Variants in AAGAB observed in about 807,000 individuals in gnomAD.
AAGAB encodes alpha and gamma adaptin binding protein.
AAGAB carries 38 observed loss-of-function variants against 44.1 expected under a neutral mutation model. The observed-to-expected ratio is 0.86, with a 90% confidence interval of 0.67 to 1.13. The LOEUF (loss-of-function observed/expected upper bound fraction) is 1.13. Ranked by LOEUF, AAGAB falls within the 50% of genes most tolerant of loss-of-function variation. The probability of loss-of-function intolerance (pLI) is 0.00; values close to 1 mark genes in which losing one functional copy is unlikely to be tolerated. For synonymous variants in AAGAB, 131 were observed against 131.8 expected (o/e 0.99, Z 0.04); for missense variants, 450 against 373.8 (o/e 1.20, Z -1.68).
At chr15:67,206,457 T>C (rs1001498398) in intron 7 of AAGAB, among the ~76,000 whole-genome samples, 1 of 152,236 alleles carries the variant, frequency 6.6e-6, no homozygotes, top group African/African-American at 2.4e-5. Flanking sequence ...TCCTCAAACT[T>C]TCACCTATGC....
chr15:67,216,236 G>A (rs1963941967), intron 5 of AAGAB, among the ~76,000 whole-genome samples: 1 of 151,926 alleles, frequency 6.6e-6, no homozygotes, highest in Non-Finnish European at 1.5e-5. Flanking sequence ...GAGGCCAAGA[G>A]CTCGAAACCA....
At chr15:67,242,429 CAAAAAAAAAAAAAAAAAAAAAAA>C (rs59817309) in intron 1 of AAGAB, among the ~76,000 whole-genome samples, 2 of 58,756 alleles carry the variant, frequency 3.4e-5, no homozygotes, top group Non-Finnish European at 6.7e-5. Context: ...GACTCCGTCT[CAAAAAAAAAAAAAAAAAAAAAAA>C]AAAAAAAAAA....
At chr15:67,203,477 T>C in intron 9 of AAGAB, 71 bp downstream of exon 9, 1 of 1,283,956 alleles carries the variant, frequency 7.8e-7, no homozygotes, top group Non-Finnish European at 1.1e-6. Context: ...TACACAAGTG[T>C]GATATATAAT....
Position 67,246,395 on chromosome 15 carries a change from A to G in AAGAB, c.73+8164T>C, listed in dbSNP as rs1017762861. ...TGACAGAGGAAGATCCTGTCTCAAA[A>G]AAAAAAAAAAAAATGAAAAAACAGT... is the stretch of plus-strand genomic sequence containing the variant. On this transcript the variant is annotated intron_variant, in intron 1 of 9. Coordinates refer to ENST00000261880, the MANE Select transcript of AAGAB (RefSeq NM_024666.5). 2.6e-5 allele frequency among the ~76,000 whole-genome samples: 4 copies of G among 151,552 alleles called. No homozygotes were observed. In the South Asian group the frequency reaches 8.3e-4, roughly 32 times the overall value.
chr15:67,203,681 C>G lies in AAGAB; in HGVS notation c.821-84G>C. The stretch of plus-strand genomic sequence containing the variant: ...ATGAATAACACTAGAAGATGGGAGA[C>G]GGGTTTCAAAGACATGTTTATGATG... On this transcript the variant is annotated intron_variant, in intron 8 of 9. Coordinates refer to ENST00000261880, the MANE Select transcript of AAGAB (RefSeq NM_024666.5). The G allele has an allele frequency of 4.1e-6, 5 of 1,233,108 alleles. No homozygotes were observed. The Admixed American group carries it at 9.1e-5, about 23-fold the overall frequency. 76.4% of individuals were successfully genotyped at this position (1,233,108 alleles called of 1,614,324 possible). A position where few individuals can be genotyped will look rare whatever the true frequency, so the allele number is the denominator to read the frequency against.
chr15:67,241,275 A>C (rs187485555), intron 1 of AAGAB, among the ~76,000 whole-genome samples: 10 of 152,298 alleles, frequency 6.6e-5, no homozygotes, highest in African/African-American at 2.2e-4. Flanking sequence ...ATTCTTTGTG[A>C]AGCAAAGTTG....
At chr15:67,255,118 C>T (rs1965092557), upstream of AAGAB, 3 of 669,490 alleles carry the variant, frequency 4.5e-6, no homozygotes, top group African/African-American at 1.8e-5. Flanking sequence ...CACGGCCCAG[C>T]ACACTCCCGG....
intron 7 of AAGAB, 36 bp downstream of exon 7, chr15:67,208,526 C>G (rs1255479629): frequency 6.3e-7 from 1 of 1,583,990 alleles, no homozygotes; most frequent in Admixed American, 1.7e-5. Context: ...CCAAGTTGCA[C>G]AAAGCTCTCT....
At chr15:67,254,718 G>C, upstream of AAGAB, 1 of 1,422,190 alleles carries the variant, frequency 7.0e-7, no homozygotes, top group South Asian at 1.2e-5. Context: ...AGACAGGCCG[G>C]AGAGGGCGTT....
At chr15:67,238,439 T>C (rs938596202) in intron 1 of AAGAB, among the ~76,000 whole-genome samples, 6 of 152,182 alleles carry the variant, frequency 3.9e-5, no homozygotes, top group Admixed American at 3.3e-4. Context: ...ATCAAAGATG[T>C]TGTTTTCATG....
At chr15:67,247,116 C>T (rs995114572) in intron 1 of AAGAB, among the ~76,000 whole-genome samples, 3 of 152,136 alleles carry the variant, frequency 2.0e-5, no homozygotes, top group African/African-American at 7.2e-5. Flanking sequence ...GACACACCAC[C>T]TTTAAGAGCT....
intron 1 of AAGAB, chr15:67,242,955 C>A (rs956028262): frequency 1.3e-5 from 2 of 152,144 alleles, no homozygotes; most frequent in African/African-American, 4.8e-5. Flanking sequence ...CTGACACACC[C>A]CTTTTCTCTG....
chr15:67,216,381 G>T (rs1309380685), intron 5 of AAGAB, among the ~76,000 whole-genome samples: 1 of 134,452 alleles, frequency 7.4e-6, no homozygotes, highest in East Asian at 2.4e-4. Flanking sequence ...GGTGGAGGTT[G>T]CAGTGAGCCA....
In AAGAB at chr15:67,208,942, T is replaced by C. The variant is rs538398139; in HGVS notation, c.619-284A>G. The stretch of plus-strand genomic sequence containing the variant: ...TTTAAGATCCATGTTATATTCAAAA[T>C]GTGAAAATGTAACACAATCGTAACA... On this transcript the variant is annotated intron_variant, in intron 6 of 9. Coordinates refer to ENST00000261880, the MANE Select transcript of AAGAB (RefSeq NM_024666.5). Among the ~76,000 whole-genome samples the C allele has an allele frequency of 2.6e-5, 4 of 152,338 alleles. No individual in the cohort carries two copies. In the East Asian group the frequency reaches 7.7e-4, roughly 29 times the overall value.
intron 5 of AAGAB, among the ~76,000 whole-genome samples, chr15:67,226,134 C>CA (rs1964198731): frequency 1.4e-5 from 2 of 145,992 alleles, no homozygotes. Context: ...AGCATCTTTT[C>CA]TTTTTTTTTT....
upstream of AAGAB, chr15:67,254,695 C>T (rs1234628155): frequency 6.6e-7 from 1 of 1,516,890 alleles, no homozygotes; most frequent in Non-Finnish European, 9.0e-7. Context: ...CCACGGCCGC[C>T]GGCGCGAGGG....
rs2140338537 is a variant in AAGAB at position 67,200,938 on chromosome 15, T to C, written c.*1883A>G. The C allele has an allele frequency of 6.6e-6, 1 of 152,470 alleles. No homozygotes were observed. The highest frequency in any genetic ancestry group is 1.5e-5 in the Non-Finnish European group (1 of 68,028). The allele number at this position is 152,470 out of a possible 1,614,324, so 9.4% of individuals were successfully genotyped here. On this transcript the variant is annotated 3_prime_UTR_variant, in exon 10 of 10. Transcript: ENST00000261880. ...ACAGACTCTTCCACTATTCACTATATATGTCTAATCCAATGAAGGATATAG... is the reference window on the plus strand; with the variant it reads ...ACAGACTCTTCCACTATTCACTATACATGTCTAATCCAATGAAGGATATAG...
intron 1 of AAGAB, among the ~76,000 whole-genome samples, chr15:67,253,788 T>C (rs1032332426): frequency 1.3e-5 from 2 of 151,352 alleles, no homozygotes; most frequent in African/African-American, 4.9e-5. Context: ...GGAAGGAATG[T>C]AGGTAGGTTA....
At chr15:67,206,237 T>C (rs796630395) in intron 7 of AAGAB, among the ~76,000 whole-genome samples, 5 of 152,350 alleles carry the variant, frequency 3.3e-5, no homozygotes, top group African/African-American at 1.2e-4. Flanking sequence ...ATTGCAGTTA[T>C]GCATTTTTGG....
Sources: allele counts gnomAD v4.1 joint callset (sites outside exome capture counted in the v4.1 genomes callset), GRCh38; gene constraint gnomAD v4.1.1; transcripts MANE v1.5; gene names NCBI Gene and HGNC (gene_info 2026-07-23, HGNC 2026-07-21).